The following KIAA1549L variants were observed in gnomAD, a reference collection of about 807,000 sequenced individuals.
KIAA1549L encodes KIAA1549 like.
In KIAA1549L, 88 loss-of-function variants were observed where a neutral mutation model predicts 160.7. The ratio of observed to expected loss-of-function variants is 0.55; its 90% CI spans 0.46 to 0.65. The LOEUF (loss-of-function observed/expected upper bound fraction) is 0.65, where lower values mean the gene tolerates loss of function less well. Ranked by LOEUF, KIAA1549L falls within the 30% of genes least tolerant of loss-of-function variation. The pLI is 0.00. For missense variants in KIAA1549L, 2,258 were observed against 2,437.5 expected (o/e 0.93, Z 1.55); for synonymous variants, 950 against 976.7 (o/e 0.97, Z 0.51).
intron 14 of KIAA1549L, among the ~76,000 whole-genome samples, 192 bp from the exon 15 acceptor site, chr11:33,609,557 A>G (rs1850591619): frequency 6.6e-6 from 1 of 152,238 alleles, no homozygotes; most frequent in Non-Finnish European, 1.5e-5. Context: ...GGTGAGTGCC[A>G]GGCTCCACAG....
rs61736873 is a variant in KIAA1549L at position 33,544,307 on chromosome 11, G to A, written c.2744G>A (p.Arg915Gln). 1.8e-3 allele frequency: 2,920 copies of A among 1,613,812 alleles called. 47 individuals carry two copies. The African/African-American group carries it at 0.035, about 19-fold the overall frequency. The change falls in exon 2 of 21, where the codon CGG becomes CAG. Residue 915 changes from arginine (R) to glutamine (Q), a missense_variant. Arg to Gln is a conservative substitution (Grantham distance 43). Around this residue, in one of 6 missense-constraint regions of KIAA1549L, gnomAD observed 41 missense variants for 79.8 expected, o/e 0.51. Coordinates refer to ENST00000658780, the MANE Select transcript of KIAA1549L (RefSeq NM_012194.3). The part of the protein sequence containing the change: ...VFPRTSSRVL[R>Q]ASQHPKKWTA... ...CCCAGGACCTCCTCCAGAGTGCTGC[G>A]GGCTTCTCAGCACCCCAAGAAATGG... is the stretch of plus-strand genomic sequence containing the variant.
intron 1 of KIAA1549L, among the ~76,000 whole-genome samples, chr11:33,407,173 C>T (rs1181706873): frequency 2.0e-5 from 3 of 150,088 alleles, no homozygotes; most frequent in African/African-American, 4.9e-5. Flanking sequence ...CAAACTCCGC[C>T]TCCCGGGTTC....
rs11822277 is a variant in KIAA1549L, at chr11:33,564,075, A to T, written c.4078+2340A>T. 2.8e-3 allele frequency among the ~76,000 whole-genome samples: 421 copies of T among 152,286 alleles called. 1 individual carries two copies. Among genetic ancestry groups the T allele is most frequent in the African/African-American group, 9.6e-3 (400 of 41,566 alleles). On this transcript the variant is annotated intron_variant, in intron 8 of 20. Coordinates refer to ENST00000658780, the MANE Select transcript of KIAA1549L (RefSeq NM_012194.3). ...ATTGCTGTTGGTGTTCAGAATAAACAGTGGCTTCCATCACTGTGTTTAGGG... is the reference window on the plus strand; with the variant it reads ...ATTGCTGTTGGTGTTCAGAATAAACTGTGGCTTCCATCACTGTGTTTAGGG...
intron 4 of KIAA1549L, among the ~76,000 whole-genome samples, chr11:33,548,437 A>G (rs1854339788): frequency 1.3e-5 from 2 of 152,144 alleles, no homozygotes; most frequent in South Asian, 4.1e-4. Context: ...GCCTGGATAT[A>G]TTGTTTTAAA....
intron 8 of KIAA1549L, among the ~76,000 whole-genome samples, chr11:33,562,881 A>G (rs1256962607): frequency 6.6e-6 from 1 of 151,714 alleles, no homozygotes; most frequent in Non-Finnish European, 1.5e-5. Context: ...GGGTTTCACC[A>G]TGTTGGCCAG....
In KIAA1549L at chr11:33,376,163, C is replaced by T. The variant is rs1849946839; in HGVS notation, c.-489C>T. On this transcript the variant is annotated 5_prime_UTR_variant, in exon 1 of 21. Transcript: ENST00000658780. The surrounding 1 kb of genome is among the most constrained non-coding windows in gnomAD (Gnocchi z 5.8). ...GCACTCGCGGCCCGGGAACCCGAGC[C>T]GGAGCCGGGGCTGGAACCCGAAGCC... Among the ~76,000 whole-genome samples, 2 of 149,836 alleles carry T rather than the reference C, an allele frequency of 1.3e-5. No homozygotes were observed. Among genetic ancestry groups the T allele is most frequent in the Admixed American group, 6.6e-5 (1 of 15,102 alleles).
chr11:33,640,518 G>C (rs1351045266), intron 16 of KIAA1549L, among the ~76,000 whole-genome samples: 1 of 152,206 alleles, frequency 6.6e-6, no homozygotes, highest in Non-Finnish European at 1.5e-5. Flanking sequence ...CTTGGAAGTG[G>C]AAGAAGGAGA....
intron 1 of KIAA1549L, among the ~76,000 whole-genome samples, chr11:33,401,962 G>A (rs1346285101): frequency 6.6e-6 from 1 of 152,202 alleles, no homozygotes; most frequent in Non-Finnish European, 1.5e-5. Flanking sequence ...CCACATAAGG[G>A]GCACAGCTGT....
chr11:33,461,244 T>C (rs1194850005), intron 1 of KIAA1549L, among the ~76,000 whole-genome samples: 1 of 152,178 alleles, frequency 6.6e-6, no homozygotes, highest in Non-Finnish European at 1.5e-5. Flanking sequence ...TTTGATAGGC[T>C]GGCGTAATGG....
At chr11:33,454,511 C>T (rs908572390) in intron 1 of KIAA1549L, among the ~76,000 whole-genome samples, 2 of 152,148 alleles carry the variant, frequency 1.3e-5, no homozygotes, top group Non-Finnish European at 2.9e-5. Context: ...ACCCTGAGGG[C>T]TTCATTGCAT....
chr11:33,480,643 G>T (rs1852392154), intron 1 of KIAA1549L, among the ~76,000 whole-genome samples: 1 of 152,116 alleles, frequency 6.6e-6, no homozygotes, highest in Non-Finnish European at 1.5e-5. Flanking sequence ...TTTGGGGAAG[G>T]ATCTCTGGTC....
intron 11 of KIAA1549L, among the ~76,000 whole-genome samples, chr11:33,588,056 C>A (rs1426473917): frequency 6.6e-6 from 1 of 152,200 alleles, no homozygotes; most frequent in East Asian, 1.9e-4. Context: ...CCTGCGTAAG[C>A]TGCTTAACCT....
Position 33,615,174 on chromosome 11 carries a change from C to A in KIAA1549L, c.5280-3359C>A, listed in dbSNP as rs7128696. ...TACACTCAAATCATTCTAGAACCTG[C>A]TTCTAGGGAACCCCACGTAAGGTAA... On this transcript the variant is annotated intron_variant, in intron 15 of 20. Transcript: ENST00000658780. Among the ~76,000 whole-genome samples the A allele has an allele frequency of 9.1e-3, 1,390 of 152,196 alleles. 21 individuals are homozygous for A. Among genetic ancestry groups the A allele is most frequent in the African/African-American group, 0.032 (1,322 of 41,504 alleles).
intron 1 of KIAA1549L, among the ~76,000 whole-genome samples, chr11:33,417,194 G>A (rs1850905870): frequency 6.6e-6 from 1 of 151,994 alleles, no homozygotes; most frequent in African/African-American, 2.4e-5. Context: ...TACAACATCG[G>A]ACAATACAGA....
chr11:33,622,834 G>C (rs1285608457), intron 16 of KIAA1549L, among the ~76,000 whole-genome samples: 2 of 152,190 alleles, frequency 1.3e-5, no homozygotes, highest in Non-Finnish European at 2.9e-5. Flanking sequence ...AGGCGAAAAT[G>C]AGCCCGTTTC....
intron 8 of KIAA1549L, among the ~76,000 whole-genome samples, chr11:33,565,405 A>AT (rs1855015366): frequency 6.6e-6 from 1 of 152,162 alleles, no homozygotes; most frequent in Non-Finnish European, 1.5e-5. Context: ...GGCTAGAAGC[A>AT]TTTTTTATTG....
chr11:33,467,400 G>A lies in KIAA1549L; in HGVS notation c.239-74402G>A, dbSNP rs1351360122. Among the ~76,000 whole-genome samples the A allele has an allele frequency of 2.6e-5, 4 of 152,314 alleles. No homozygotes were observed. In the South Asian group the frequency reaches 6.2e-4, roughly 24 times the overall value. On this transcript the variant is annotated intron_variant, in intron 1 of 20. Transcript: ENST00000658780. ...CAGTGGAAAGATTTCTATCAAAAAAGCACATCCAGCAGAGAGAGTGACCAT... is the reference window on the plus strand; with the variant it reads ...CAGTGGAAAGATTTCTATCAAAAAAACACATCCAGCAGAGAGAGTGACCAT...
chr11:33,600,361 C>T (rs1209208585), intron 13 of KIAA1549L, among the ~76,000 whole-genome samples: 1 of 152,144 alleles, frequency 6.6e-6, no homozygotes, highest in Non-Finnish European at 1.5e-5. Context: ...AGTTCAGCAA[C>T]TTTCTTCTCT....
chr11:33,454,761 T>A, intron 1 of KIAA1549L, among the ~76,000 whole-genome samples: 1 of 152,056 alleles, frequency 6.6e-6, no homozygotes, highest in Admixed American at 6.6e-5. Flanking sequence ...AGAAATAAGA[T>A]GAAAAGGAAT....
Sources: gnomAD v4.1 joint callset for allele counts (sites outside exome capture counted in the v4.1 genomes callset) on GRCh38, gnomAD v4.1.1 for gene constraint, gnomAD v4.1.1 regional missense constraint, Gnocchi (gnomAD v3.1) non-coding constraint, MANE v1.5 for transcripts, NCBI Gene and HGNC (gene_info 2026-07-23, HGNC 2026-07-21) for gene names.